Variants in FAM219A observed in about 807,000 individuals in gnomAD.
FAM219A encodes protein FAM219A.
In FAM219A, 7 loss-of-function variants were observed where a neutral mutation model predicts 23.4. The ratio of observed to expected loss-of-function variants is 0.30; its 90% confidence interval spans 0.17 to 0.56. The LOEUF is 0.56. Ranked by LOEUF, FAM219A falls within the 20% of genes least tolerant of loss-of-function variation. FAM219A has a pLI of 0.92. For synonymous variants in FAM219A, 93 were observed against 99.0 expected (o/e 0.94, Z 0.36); for missense variants, 166 against 246.9 (o/e 0.67, Z 2.20).
Position 34,417,932 on chromosome 9 carries a change from G to A in FAM219A, c.61-11968C>T, listed in dbSNP as rs1348347639. ...GGAGCACTGGCACTGCCTGGCAACT[G>A]GGCACTGTGCTTTAGCCAGTCCTCA... On this transcript the variant is annotated intron_variant, in intron 1 of 5. Transcript: ENST00000651358. The surrounding 1 kb of genome is among the most constrained non-coding windows in gnomAD (Gnocchi z 4.1). Among the ~76,000 whole-genome samples the A allele has an allele frequency of 6.6e-6, 1 of 152,214 alleles. No homozygotes were observed. Among genetic ancestry groups the A allele is most frequent in the Non-Finnish European group, 1.5e-5 (1 of 68,038 alleles).
At chr9:34,416,808 A>ATGTTTTTTT (rs60995496) in intron 1 of FAM219A, among the ~76,000 whole-genome samples, 4 of 113,640 alleles carry the variant, frequency 3.5e-5, no homozygotes, top group African/African-American at 6.9e-5. Context: ...TCAGCTCTCC[A>ATGTTTTTTT]TTTTTTTTTT....
At chr9:34,441,697 A>T (rs1372952625) in intron 1 of FAM219A, among the ~76,000 whole-genome samples, 1 of 152,144 alleles carries the variant, frequency 6.6e-6, no homozygotes, top group Non-Finnish European at 1.5e-5. Context: ...CAAGGGCTGT[A>T]AAAACATTAG....
intron 1 of FAM219A, among the ~76,000 whole-genome samples, chr9:34,429,519 C>T (rs552510694): frequency 3.3e-5 from 5 of 152,132 alleles, no homozygotes; most frequent in Non-Finnish European, 7.3e-5. Flanking sequence ...AATTTAATCC[C>T]TAGTATATGA....
chr9:34,405,995 T>G (rs893487796), intron 1 of FAM219A, 31 bp from the exon 2 acceptor site: 2 of 1,576,760 alleles, frequency 1.3e-6, no homozygotes, highest in Admixed American at 3.5e-5. Flanking sequence ...GACAGAGAGT[T>G]GTTAGGGAGT....
Position 34,400,985 on chromosome 9 carries a change from G to A in FAM219A, c.537C>T (p.Ser179=). The A allele has an allele frequency of 6.4e-7, 1 of 1,558,992 alleles. No individual in the cohort carries two copies. The highest frequency in any genetic ancestry group is 8.7e-7 in the Non-Finnish European group (1 of 1,148,580). Residue 179 remains serine (S), a synonymous_variant, in exon 6 of 6, where the codon TCC becomes TCT. Coordinates refer to ENST00000651358, the MANE Select transcript of FAM219A (RefSeq NM_001184940.2). ...CCCGCTACTGAATGTGGCAGGCGGT[G>A]GAGGACGTGGCCTGGCAGCACATGC... is the stretch of plus-strand genomic sequence containing the variant. ...PTCMCCQATS[S]TACHIQ
chr9:34,456,841 A>G (rs1223193190), intron 1 of FAM219A, among the ~76,000 whole-genome samples: 1 of 152,188 alleles, frequency 6.6e-6, no homozygotes, highest in African/African-American at 2.4e-5. Flanking sequence ...AAAGGGGGAA[A>G]AAGCCTTTGT....
At chr9:34,443,640 G>A (rs951951138) in intron 1 of FAM219A, among the ~76,000 whole-genome samples, 5 of 152,118 alleles carry the variant, frequency 3.3e-5, no homozygotes, top group Non-Finnish European at 5.9e-5. Flanking sequence ...GCCTGAAAGC[G>A]GTTAGGAGGC....
At chr9:34,427,202 T>TAAGG (rs1479017866) in intron 1 of FAM219A, among the ~76,000 whole-genome samples, 1 of 152,086 alleles carries the variant, frequency 6.6e-6, no homozygotes, top group East Asian at 1.9e-4. Flanking sequence ...GACAGTGCCT[T>TAAGG]ACTCAGTTGC....
chr9:34,415,501 A>C (rs1385707265), intron 1 of FAM219A, among the ~76,000 whole-genome samples: 1 of 152,240 alleles, frequency 6.6e-6, no homozygotes, highest in African/African-American at 2.4e-5. Context: ...CTATAAAGTA[A>C]TACATGCTAA....
intron 1 of FAM219A, among the ~76,000 whole-genome samples, chr9:34,430,731 A>G (rs896480407): frequency 1.3e-5 from 2 of 149,076 alleles, no homozygotes; most frequent in Middle Eastern, 7.2e-3. Flanking sequence ...AGTCCCAGCT[A>G]CCCGGGAGGC....
At chr9:34,451,186 G>A (rs1018740276) in intron 1 of FAM219A, among the ~76,000 whole-genome samples, 2 of 152,126 alleles carry the variant, frequency 1.3e-5, no homozygotes, top group Non-Finnish European at 2.9e-5. Flanking sequence ...CTACTCCAGA[G>A]TCCCTCCCTG....
intron 1 of FAM219A, among the ~76,000 whole-genome samples, chr9:34,416,808 A>ATTT (rs781741211): frequency 4.4e-5 from 5 of 113,650 alleles, no homozygotes; most frequent in African/African-American, 1.7e-4. Context: ...TCAGCTCTCC[A>ATTT]TTTTTTTTTT....
intron 1 of FAM219A, among the ~76,000 whole-genome samples, chr9:34,450,939 T>G (rs1288114699): frequency 6.6e-6 from 1 of 152,202 alleles, no homozygotes; most frequent in Admixed American, 6.5e-5. Context: ...TGTCCCCTCT[T>G]GCATGCACAC....
rs772338563 is a variant in FAM219A at position 34,458,293 on chromosome 9, G to A, written c.-30C>T. On this transcript the variant is annotated 5_prime_UTR_variant, in exon 1 of 6. Transcript: ENST00000651358. The surrounding 1 kb of genome is among the most constrained non-coding windows in gnomAD (Gnocchi z 6.6). ...CCGGCGGGCGAGCGGGCCAGGGGCC[G>A]GGCGCGGCCGCGGACGCCGACAGGA... The A allele has an allele frequency of 1.5e-6, 2 of 1,373,100 alleles. No homozygotes were observed. Among genetic ancestry groups the A allele is most frequent in the Admixed American group, 3.1e-5 (1 of 32,176 alleles). The allele number at this position is 1,373,100 out of a possible 1,614,324, so 85.1% of individuals were successfully genotyped here. A position where few individuals can be genotyped will look rare whatever the true frequency, so the allele number is the denominator to read the frequency against.
chr9:34,445,925 A>G (rs767294674), intron 1 of FAM219A, among the ~76,000 whole-genome samples: 13 of 152,218 alleles, frequency 8.5e-5, no homozygotes, highest in Non-Finnish European at 1.2e-4. Flanking sequence ...CTGTAATCCC[A>G]GCACTTTGGG....
intron 1 of FAM219A, among the ~76,000 whole-genome samples, chr9:34,415,913 G>C (rs539843388): frequency 1.8e-4 from 27 of 152,224 alleles, no homozygotes; most frequent in Non-Finnish European, 3.7e-4. Flanking sequence ...TTCAGTCTCT[G>C]GTTCTAGAGC....
chr9:34,405,191 C>T (rs1821590183), intron 2 of FAM219A, among the ~76,000 whole-genome samples: 1 of 152,006 alleles, frequency 6.6e-6, no homozygotes, highest in Admixed American at 6.6e-5. Flanking sequence ...AACTTTGGTC[C>T]CTGAAGGGAG....
chr9:34,440,097 G>T (rs1349506028), intron 1 of FAM219A, among the ~76,000 whole-genome samples: 2 of 152,210 alleles, frequency 1.3e-5, no homozygotes, highest in South Asian at 2.1e-4. Flanking sequence ...TGTGGGCAGG[G>T]TATCCAAGGC....
At chr9:34,406,340 T>G (rs1821635936) in intron 1 of FAM219A, 13 of 985,256 alleles carry the variant, frequency 1.3e-5, no homozygotes, top group Non-Finnish European at 1.6e-5. Flanking sequence ...GGCAAGGTCT[T>G]CCTAGGTTCC....
Sources: gnomAD v4.1 joint callset for allele counts (sites outside exome capture counted in the v4.1 genomes callset) on GRCh38, gnomAD v4.1.1 for gene constraint, Gnocchi (gnomAD v3.1) non-coding constraint, MANE v1.5 for transcripts, NCBI Gene and HGNC (gene_info 2026-07-23, HGNC 2026-07-21) for gene names.